Variants in ITPR1 observed in about 807,000 individuals in gnomAD.
The protein encoded by ITPR1 is inositol 1,4,5-trisphosphate receptor type 1.
In ITPR1, 96 loss-of-function variants were observed where a neutral mutation model predicts 318.4. The ratio of observed to expected loss-of-function variants is 0.30; its 90% CI spans 0.26 to 0.36. ITPR1 has a LOEUF of 0.36. Ranked by LOEUF, ITPR1 falls within the 10% of genes least tolerant of loss-of-function variation. The pLI, the probability that ITPR1 is intolerant of heterozygous loss-of-function variation, is 1.00. For missense variants in ITPR1, 2,440 were observed against 3,460.2 expected (o/e 0.71, Z 7.40); for synonymous variants, 1,312 against 1,289.9 (o/e 1.02, Z -0.37).
intron 41 of ITPR1, among the ~76,000 whole-genome samples, chr3:4,726,284 C>T (rs1293744315): frequency 1.3e-5 from 2 of 151,432 alleles, no homozygotes; most frequent in African/African-American, 4.9e-5. Flanking sequence ...CCCGCCTCAG[C>T]CTCTGAAAGT....
At chr3:4,676,487 G>T (rs2094188169) in intron 23 of ITPR1, 127 bp from the exon 24 acceptor site, 1 of 668,118 alleles carries the variant, frequency 1.5e-6, no homozygotes, top group Admixed American at 3.1e-5. Flanking sequence ...GGTTTCCAGG[G>T]TCCTGAGATT....
chr3:4,589,303 G>A (rs6442889), intron 4 of ITPR1, among the ~76,000 whole-genome samples: 21,642 of 151,914 alleles, frequency 0.14, 1,632 homozygotes, highest in African/African-American at 0.18. Context: ...CTCTTATTTC[G>A]TGAAAAAACA....
intron 18 of ITPR1, 136 bp downstream of exon 18, chr3:4,667,685 A>G: frequency 4.1e-6 from 3 of 738,492 alleles, no homozygotes; most frequent in South Asian, 2.7e-5. Context: ...AGGCTTTTTG[A>G]TGAGTAGTGG....
chr3:4,504,553 G>A (rs937562108), intron 2 of ITPR1, among the ~76,000 whole-genome samples: 2 of 152,174 alleles, frequency 1.3e-5, no homozygotes, highest in Non-Finnish European at 2.9e-5. Flanking sequence ...TTCTGAGGAC[G>A]ATCTGATTAG....
chr3:4,690,584 T>C (rs1316977402), intron 31 of ITPR1, among the ~76,000 whole-genome samples: 1 of 152,212 alleles, frequency 6.6e-6, no homozygotes, highest in East Asian at 1.9e-4. Flanking sequence ...ATTCTGTTCT[T>C]AGACCCAAAA....
intron 13 of ITPR1, among the ~76,000 whole-genome samples, chr3:4,659,885 A>G (rs1252807715): frequency 4.6e-5 from 7 of 152,164 alleles, no homozygotes; most frequent in Admixed American, 4.6e-4. Context: ...ATAAATTTGT[A>G]TTCTATTAAC....
intron 2 of ITPR1, among the ~76,000 whole-genome samples, chr3:4,510,625 G>A (rs1395053795): frequency 1.3e-5 from 2 of 152,246 alleles, no homozygotes; most frequent in Non-Finnish European, 2.9e-5. Flanking sequence ...TTGGAATACA[G>A]TTGTGTATAA....
intron 37 of ITPR1, among the ~76,000 whole-genome samples, chr3:4,709,994 C>T (rs377309277): frequency 2.6e-5 from 4 of 152,044 alleles, no homozygotes; most frequent in African/African-American, 7.2e-5. Context: ...TTTGTTATGC[C>T]CATGTCATAG....
chr3:4,628,058 C>G (rs2092897391), intron 5 of ITPR1, among the ~76,000 whole-genome samples, 180 bp downstream of exon 5: 1 of 152,240 alleles, frequency 6.6e-6, no homozygotes, highest in South Asian at 2.1e-4. Context: ...TCCTAGTCAT[C>G]TTGAGATGTC....
intron 28 of ITPR1, 77 bp downstream of exon 28, chr3:4,683,875 T>C (rs1355097419): frequency 2.3e-6 from 3 of 1,296,348 alleles, no homozygotes; most frequent in Non-Finnish European, 3.2e-6. Context: ...CTTCTGGTTT[T>C]AGGTATAAAT....
chr3:4,783,747 A>T (rs2046986120), intron 50 of ITPR1, 69 bp from the exon 51 acceptor site: 1 of 1,209,550 alleles, frequency 8.3e-7, no homozygotes, highest in Admixed American at 2.0e-5. Context: ...ACCCAACATG[A>T]GAAAGGAGTT....
intron 49 of ITPR1, among the ~76,000 whole-genome samples, chr3:4,781,601 A>G (rs1315557860): frequency 6.6e-6 from 1 of 152,204 alleles, no homozygotes; most frequent in East Asian, 1.9e-4. Context: ...GTGAAGGGTA[A>G]TAGGGCCAAG....
chr3:4,614,253 A>C (rs1209128480), intron 4 of ITPR1, among the ~76,000 whole-genome samples: 1 of 152,188 alleles, frequency 6.6e-6, no homozygotes, highest in East Asian at 1.9e-4. Context: ...GTGACAGAAC[A>C]AGACCTTATC....
chr3:4,588,020 C>T (rs1271833663), intron 4 of ITPR1, among the ~76,000 whole-genome samples: 1 of 152,130 alleles, frequency 6.6e-6, no homozygotes, highest in African/African-American at 2.4e-5. Flanking sequence ...TGATTTTCCC[C>T]CCTCTTGGTA....
intron 2 of ITPR1, among the ~76,000 whole-genome samples, chr3:4,512,148 T>G (rs2081879954): frequency 6.6e-6 from 1 of 152,060 alleles, no homozygotes. Context: ...ATAATGTGTT[T>G]TTATTTTTAT....
chr3:4,684,112 C>G (rs1333384307), intron 28 of ITPR1, among the ~76,000 whole-genome samples, 169 bp from the exon 29 acceptor site: 1 of 152,208 alleles, frequency 6.6e-6, no homozygotes, highest in Non-Finnish European at 1.5e-5. Flanking sequence ...CTATCCCTTC[C>G]CAAGGAAACC....
chr3:4,826,376 G>A lies in ITPR1; in HGVS notation c.8028+8134G>A, dbSNP rs2050077413. Reference sequence around the variant, plus strand: ...CTGACAAGCCCTTAACCATGGGTGAGGATACAGCCTGTGCTGCCTGCCAAA... The same window carrying A: ...CTGACAAGCCCTTAACCATGGGTGAAGATACAGCCTGTGCTGCCTGCCAAA... On this transcript the variant is annotated intron_variant, in intron 60 of 61. Coordinates refer to ENST00000649015, the MANE Select transcript of ITPR1 (RefSeq NM_001378452.1). This position sits in a 1 kb window ranked among gnomAD's most constrained non-coding sequence, Gnocchi z 4.2. Among the ~76,000 whole-genome samples, 1 of 152,210 alleles carries A rather than the reference G, an allele frequency of 6.6e-6. No individual in the cohort carries two copies. Among genetic ancestry groups the A allele is most frequent in the African/African-American group, 2.4e-5 (1 of 41,450 alleles).
chr3:4,690,759 A>G (rs1374803130), intron 31 of ITPR1, among the ~76,000 whole-genome samples: 1 of 152,264 alleles, frequency 6.6e-6, no homozygotes, highest in African/African-American at 2.4e-5. Flanking sequence ...AATGGAACTT[A>G]CATATCAGTG....
chr3:4,566,410 A>G (rs1367591472), intron 4 of ITPR1, among the ~76,000 whole-genome samples: 3 of 152,136 alleles, frequency 2.0e-5, no homozygotes, highest in African/African-American at 7.2e-5. Context: ...CTCTACTATG[A>G]GCAAACCTCT....
Sources: allele counts gnomAD v4.1 joint callset (sites outside exome capture counted in the v4.1 genomes callset), GRCh38; gene constraint gnomAD v4.1.1; non-coding constraint Gnocchi (gnomAD v3.1); transcripts MANE v1.5; gene names NCBI Gene and HGNC (gene_info 2026-07-23, HGNC 2026-07-21).